FLNB: variants seen among roughly 807,000 people sequenced by gnomAD.
FLNB encodes the protein filamin B, also known as filamin-B.
Under a neutral mutation model 250.6 loss-of-function variants are expected in FLNB, and 111 were observed. The ratio of observed to expected loss-of-function variants is 0.44; its 90% CI spans 0.38 to 0.52. FLNB has a LOEUF of 0.52. Among genes scored for constraint, FLNB ranks in the 20% least tolerant of loss-of-function variants. The probability of loss-of-function intolerance (pLI) is 0.00; values close to 1 mark genes in which losing one functional copy is unlikely to be tolerated. For missense variants in FLNB, 2,869 were observed against 3,447.8 expected (o/e 0.83, Z 4.20); for synonymous variants, 1,302 against 1,372.1 (o/e 0.95, Z 1.13).
chr3:58,101,726 A>C (rs903205762), intron 8 of FLNB, among the ~76,000 whole-genome samples: 3 of 152,214 alleles, frequency 2.0e-5, no homozygotes, highest in Non-Finnish European at 4.4e-5. Flanking sequence ...CAGGCGGAAG[A>C]CAACAACATT....
chr3:58,153,034 C>T (rs1403934346), intron 38 of FLNB, among the ~76,000 whole-genome samples: 1 of 152,228 alleles, frequency 6.6e-6, no homozygotes, highest in Non-Finnish European at 1.5e-5. Context: ...TGTCTTGTTG[C>T]CTAAAAGAAA....
chr3:58,144,737 C>T lies in FLNB; in HGVS notation c.5425+1124C>T, dbSNP rs193289127. Among the ~76,000 whole-genome samples, 8 of 152,318 alleles carry T rather than the reference C, an allele frequency of 5.3e-5. No homozygotes were observed. The East Asian group carries it at 1.5e-3, about 29-fold the overall frequency. On this transcript the variant is annotated intron_variant, in intron 32 of 45. Coordinates refer to ENST00000295956, the MANE Select transcript of FLNB (RefSeq NM_001457.4). Reference sequence around the variant, plus strand: ...CGCCCTCTGGCCATGGAGAAGAGCACCTTCTTTTCCACAAAATTTGCCAGT... The same window carrying T: ...CGCCCTCTGGCCATGGAGAAGAGCATCTTCTTTTCCACAAAATTTGCCAGT...
Position 58,164,621 on chromosome 3 carries a change from G to A in FLNB, c.7198+1291G>A, listed in dbSNP as rs915169086. ...TGACTGGTGGGCTGGCAGGCTGCCC[G>A]GGACTCTGGCCAAAGCAGTGGCCTC... On this transcript the variant is annotated intron_variant, in intron 43 of 45. Transcript: ENST00000295956. This position sits in a 1 kb window ranked among gnomAD's most constrained non-coding sequence, Gnocchi z 4.0. 9 of 152,264 alleles carry A rather than the reference G, an allele frequency of 5.9e-5. No individual in the cohort carries two copies. Among genetic ancestry groups the A allele is most frequent in the Admixed American group, 2.6e-4 (4 of 15,288 alleles). The allele number at this position is 152,264 out of a possible 1,614,324, so 9.4% of individuals were successfully genotyped here.
chr3:58,038,628 T>A (rs1472251455), intron 1 of FLNB, among the ~76,000 whole-genome samples: 2 of 150,852 alleles, frequency 1.3e-5, no homozygotes, highest in African/African-American at 4.9e-5. Flanking sequence ...AGGGTCTCAC[T>A]ATGTTCCCCA....
Position 58,148,765 on chromosome 3 carries a change from G to T in FLNB, c.6004G>T (p.Ala2002Ser), listed in dbSNP as rs1217036143. ...GGTGGTCCAGTCGGAGATTGGTGAC[G>T]CCCGCCGAGCCAAAGTCTATGGCCG... ...IMVVQSEIGDARRAKVYGRGL... is the reference protein window; with the variant it reads ...IMVVQSEIGDSRRAKVYGRGL... Residue 2002 changes from alanine to serine, a missense_variant, in exon 36 of 46, where the codon GCC (alanine) becomes TCC (serine). Ala to Ser is a moderately conservative substitution (Grantham distance 99). Around this residue, in one of 5 missense-constraint regions of FLNB, gnomAD observed 1,084 missense variants for 1,315.5 expected, o/e 0.82. Transcript: ENST00000295956. 6.2e-7 allele frequency: 1 copy of T among 1,613,964 alleles called. No homozygotes were observed. Among genetic ancestry groups the T allele is most frequent in the African/African-American group, 1.3e-5 (1 of 75,020 alleles).
chr3:58,159,580 A>G lies in FLNB; in HGVS notation c.6915A>G (p.Pro2305=). Residue 2305 remains proline, a synonymous_variant, in exon 42 of 46, where the codon CCA becomes CCG. Coordinates refer to ENST00000295956, the MANE Select transcript of FLNB (RefSeq NM_001457.4). ...AATCGGGATTAAAAGTTAACCAGCC[A>G]GCATCCTTTGCTATAAGGTTGAATG... The part of the protein sequence containing the change: ...LQESGLKVNQ[P]ASFAIRLNGA... 1 of 1,614,182 alleles carries G rather than the reference A, an allele frequency of 6.2e-7. No individual in the cohort carries two copies. Among genetic ancestry groups the G allele is most frequent in the Non-Finnish European group, 8.5e-7 (1 of 1,180,028 alleles).
intron 12 of FLNB, among the ~76,000 whole-genome samples, chr3:58,107,494 A>G (rs991820024): frequency 6.6e-6 from 1 of 152,222 alleles, no homozygotes; most frequent in African/African-American, 2.4e-5. Context: ...GCATGCATAA[A>G]GACCGCCTTT....
chr3:58,016,300 C>G (rs1429126727), intron 1 of FLNB, among the ~76,000 whole-genome samples: 1 of 151,872 alleles, frequency 6.6e-6, no homozygotes, highest in Non-Finnish European at 1.5e-5. Flanking sequence ...GGTGATCCAC[C>G]CACCTAGCCT....
intron 1 of FLNB, among the ~76,000 whole-genome samples, chr3:58,056,171 G>A (rs566112955): frequency 3.3e-5 from 5 of 149,798 alleles, no homozygotes; most frequent in South Asian, 2.1e-4. Flanking sequence ...GCATGATCTC[G>A]GCTCACTACT....
chr3:58,103,186 T>C (rs1355548515), intron 9 of FLNB, among the ~76,000 whole-genome samples: 1 of 152,084 alleles, frequency 6.6e-6, no homozygotes, highest in African/African-American at 2.4e-5. Flanking sequence ...GTAGCCGAGG[T>C]TCTAGACTGC....
intron 41 of FLNB, among the ~76,000 whole-genome samples, chr3:58,159,151 A>G (rs9882276): frequency 1.0e-3 from 155 of 152,202 alleles, no homozygotes; most frequent in African/African-American, 3.6e-3. Flanking sequence ...ATAACATAAA[A>G]CTGTGTTCGT....
intron 1 of FLNB, among the ~76,000 whole-genome samples, chr3:58,035,054 T>C (rs1576614087): frequency 6.6e-6 from 1 of 152,158 alleles, no homozygotes; most frequent in African/African-American, 2.4e-5. Context: ...TTGCAGAGGA[T>C]TGGTGGAGTG....
chr3:58,121,012 G>A (rs751294420), intron 19 of FLNB, among the ~76,000 whole-genome samples: 7 of 152,314 alleles, frequency 4.6e-5, no homozygotes, highest in Non-Finnish European at 8.8e-5. Flanking sequence ...AATGATAGCC[G>A]TTATTGCTGT....
At position 58,143,592 on chromosome 3, in the gene FLNB, T is replaced by G. The variant is rs1207064888; in HGVS notation, c.5404T>G (p.Tyr1802Asp). 4 of 1,613,912 alleles carry G rather than the reference T, an allele frequency of 2.5e-6. No individual in the cohort carries two copies. Among genetic ancestry groups the G allele is most frequent in the East Asian group, 4.5e-5 (2 of 44,892 alleles). The change falls in exon 32 of 46, where the codon TAC becomes GAC. Residue 1802 changes from tyrosine (Y) to aspartate (D), a missense_variant. Around this residue, in one of 5 missense-constraint regions of FLNB, gnomAD observed 1,084 missense variants for 1,315.5 expected, o/e 0.82. Transcript: ENST00000295956. ...CGGGCTCCATGAGATGCACATCAAA[T>G]ACATGGGCAGCCACATCCCTGGTAA... is the stretch of plus-strand genomic sequence containing the variant. ...EVGLHEMHIKYMGSHIPESPL... is the reference protein window; with the variant it reads ...EVGLHEMHIKDMGSHIPESPL...
In FLNB at chr3:58,106,723, C is replaced by T. The variant is rs374969468; in HGVS notation, c.1791C>T (p.Asn597=). The T allele has an allele frequency of 5.1e-5, 83 of 1,614,188 alleles. No individual in the cohort carries two copies. Among genetic ancestry groups the T allele is most frequent in the African/African-American group, 4.5e-4 (34 of 75,050 alleles). ...CCTCTCAGGCAAAGATTGAGTACAA[C>T]GACCAGAATGATGGATCGTGTGATG... ...EGPSQAKIEY[N]DQNDGSCDVK... is the part of the protein sequence containing the mutation. The change falls in exon 12 of 46, where the codon AAC becomes AAT. Residue 597 remains asparagine, a synonymous_variant. Coordinates refer to ENST00000295956, the MANE Select transcript of FLNB (RefSeq NM_001457.4).
intron 1 of FLNB, among the ~76,000 whole-genome samples, chr3:58,035,834 G>A (rs964138496): frequency 3.3e-5 from 5 of 152,188 alleles, no homozygotes; most frequent in Non-Finnish European, 7.3e-5. Context: ...AGTCAGCTAC[G>A]TGTGAAGTTT....
intron 1 of FLNB, among the ~76,000 whole-genome samples, chr3:58,040,831 C>T (rs2097145117): frequency 6.6e-6 from 1 of 152,166 alleles, no homozygotes; most frequent in Non-Finnish European, 1.5e-5. Context: ...CCGCTCCATC[C>T]CATTCATGTG....
chr3:58,076,703 T>G (rs532675227), intron 1 of FLNB, among the ~76,000 whole-genome samples: 35 of 151,760 alleles, frequency 2.3e-4, no homozygotes, highest in Admixed American at 1.2e-3. Context: ...AAAGCAATCC[T>G]CCTGCCTCGG....
Position 58,171,044 on chromosome 3 carries a change from A to G in FLNB, c.*282A>G, listed in dbSNP as rs2097381758. 2.3e-6 allele frequency: 1 copy of G among 437,866 alleles called. No homozygotes were observed. The highest frequency in any genetic ancestry group is 4.5e-5 in the East Asian group (1 of 22,098). 27.1% of individuals were successfully genotyped at this position (437,866 alleles called of 1,614,324 possible). ...TGGAACAGACCAGCCACTGCAGCAGACAGACCAGGAACACAATGAGACTGA... is the reference window on the plus strand; with the variant it reads ...TGGAACAGACCAGCCACTGCAGCAGGCAGACCAGGAACACAATGAGACTGA... On this transcript the variant is annotated 3_prime_UTR_variant, in exon 46 of 46. Coordinates refer to ENST00000295956, the MANE Select transcript of FLNB (RefSeq NM_001457.4). The surrounding 1 kb of genome is among the most constrained non-coding windows in gnomAD (Gnocchi z 5.5).
Sources: gnomAD v4.1 joint callset for allele counts (sites outside exome capture counted in the v4.1 genomes callset) on GRCh38, gnomAD v4.1.1 for gene constraint, gnomAD v4.1.1 regional missense constraint, Gnocchi (gnomAD v3.1) non-coding constraint, MANE v1.5 for transcripts, NCBI Gene and HGNC (gene_info 2026-07-23, HGNC 2026-07-21) for gene names.